Variants in NEGR1 observed in about 807,000 individuals in gnomAD.
The protein encoded by NEGR1 is IgLON family member 4.
In NEGR1, 10 loss-of-function variants were observed where a neutral mutation model predicts 40.9. The ratio of observed to expected loss-of-function variants is 0.24; its 90% CI spans 0.15 to 0.42. The LOEUF (loss-of-function observed/expected upper bound fraction) is 0.42. NEGR1 is among the 10% of genes least tolerant of loss of function. NEGR1 has a pLI of 1.00. For missense variants in NEGR1, 352 were observed against 438.9 expected (o/e 0.80, Z 1.77); for synonymous variants, 185 against 166.8 (o/e 1.11, Z -0.84).
At chr1:71,479,377 A>G (rs1646840378) in intron 6 of NEGR1, among the ~76,000 whole-genome samples, 1 of 151,980 alleles carries the variant, frequency 6.6e-6, no homozygotes, top group Non-Finnish European at 1.5e-5. Context: ...GACTGAAAAA[A>G]CAAATCAGAA....
intron 2 of NEGR1, among the ~76,000 whole-genome samples, chr1:71,830,265 T>A (rs952382308): frequency 6.6e-5 from 10 of 151,960 alleles, no homozygotes; most frequent in African/African-American, 2.4e-4. Context: ...TTCCTGAATA[T>A]CTACTTGGTG....
chr1:72,210,149 A>G (rs1570125140), intron 1 of NEGR1, among the ~76,000 whole-genome samples: 1 of 151,806 alleles, frequency 6.6e-6, no homozygotes, highest in African/African-American at 2.4e-5. Context: ...AATTTCATTT[A>G]CTCCATAAAT....
intron 1 of NEGR1, among the ~76,000 whole-genome samples, chr1:71,937,331 C>G (rs1268730228): frequency 6.6e-6 from 1 of 152,186 alleles, no homozygotes; most frequent in Non-Finnish European, 1.5e-5. Flanking sequence ...GTACATATTT[C>G]CCATTTCACA....
chr1:71,528,912 A>G (rs1045772549), intron 6 of NEGR1, among the ~76,000 whole-genome samples: 13 of 151,274 alleles, frequency 8.6e-5, no homozygotes, highest in African/African-American at 3.1e-4. Context: ...GCCATTTTAA[A>G]ATAGTGACAC....
At chr1:72,241,910 A>C (rs1654756402) in intron 1 of NEGR1, among the ~76,000 whole-genome samples, 1 of 151,764 alleles carries the variant, frequency 6.6e-6, no homozygotes. Context: ...CCTGCAAGAT[A>C]AGTCTATCTA....
intron 3 of NEGR1, among the ~76,000 whole-genome samples, chr1:71,774,990 C>T (rs1251623123): frequency 1.3e-5 from 2 of 152,142 alleles, no homozygotes; most frequent in Non-Finnish European, 1.5e-5. Flanking sequence ...TGCAATCCTG[C>T]ACAAGCTACA....
At chr1:71,697,391 T>A (rs919427984) in intron 4 of NEGR1, among the ~76,000 whole-genome samples, 3 of 151,818 alleles carry the variant, frequency 2.0e-5, no homozygotes, top group African/African-American at 7.2e-5. Context: ...TAATAGGATG[T>A]TACTGGAAAA....
chr1:72,051,131 A>AT (rs1398828219), intron 1 of NEGR1, among the ~76,000 whole-genome samples: 1 of 151,502 alleles, frequency 6.6e-6, no homozygotes, highest in Non-Finnish European at 1.5e-5. Context: ...CCTTCTCTAA[A>AT]TGGCTGATGT....
intron 4 of NEGR1, among the ~76,000 whole-genome samples, chr1:71,639,172 C>A (rs1651263358): frequency 6.8e-6 from 1 of 146,102 alleles, no homozygotes. Flanking sequence ...GCATAGAATA[C>A]TTCTGCATAT....
At chr1:71,829,790 G>A (rs1395760714) in intron 2 of NEGR1, among the ~76,000 whole-genome samples, 2 of 152,108 alleles carry the variant, frequency 1.3e-5, no homozygotes, top group East Asian at 3.9e-4. Context: ...ATGGTCCACA[G>A]TGAAATGTGT....
intron 6 of NEGR1, among the ~76,000 whole-genome samples, chr1:71,410,691 C>T (rs1465528684): frequency 6.6e-6 from 1 of 152,070 alleles, no homozygotes; most frequent in Non-Finnish European, 1.5e-5. Flanking sequence ...CATTGTTATG[C>T]AACCTTATTC....
intron 6 of NEGR1, among the ~76,000 whole-genome samples, chr1:71,430,210 C>T (rs1370492312): frequency 6.6e-6 from 1 of 152,106 alleles, no homozygotes; most frequent in African/African-American, 2.4e-5. Context: ...GCCATTATAG[C>T]TCCTGGATCC....
chr1:71,773,409 C>G (rs1458768597), intron 3 of NEGR1, among the ~76,000 whole-genome samples: 3 of 152,056 alleles, frequency 2.0e-5, no homozygotes, highest in Non-Finnish European at 4.4e-5. Context: ...TGTTTTGGGA[C>G]ACATTTTCTT....
intron 6 of NEGR1, among the ~76,000 whole-genome samples, chr1:71,432,403 A>C (rs1437797314): frequency 6.6e-6 from 1 of 152,182 alleles, no homozygotes; most frequent in Non-Finnish European, 1.5e-5. Flanking sequence ...TTCCCTCCAA[A>C]ACTCATGTAA....
chr1:71,847,577 G>A (rs1239311100), intron 2 of NEGR1, among the ~76,000 whole-genome samples: 1 of 152,166 alleles, frequency 6.6e-6, no homozygotes, highest in African/African-American at 2.4e-5. Flanking sequence ...ACCAAAAGCA[G>A]TGCCCATGTA....
intron 1 of NEGR1, among the ~76,000 whole-genome samples, chr1:72,052,382 G>A (rs1647070048): frequency 6.6e-6 from 1 of 151,440 alleles, no homozygotes; most frequent in Non-Finnish European, 1.5e-5. Flanking sequence ...GGCCAAATCT[G>A]ACTGCAAAAA....
intron 1 of NEGR1, among the ~76,000 whole-genome samples, chr1:71,963,039 T>C (rs879372302): frequency 3.3e-5 from 5 of 152,136 alleles, no homozygotes; most frequent in African/African-American, 1.2e-4. Context: ...CTATGTTTTG[T>C]ATGTCTTTTC....
At chr1:71,897,818 G>A (rs1661014706) in intron 2 of NEGR1, among the ~76,000 whole-genome samples, 1 of 152,134 alleles carries the variant, frequency 6.6e-6, no homozygotes, top group Non-Finnish European at 1.5e-5. Context: ...ATTTTGAGGA[G>A]TGCTTATCTA....
At chr1:71,840,976 C>T (rs1180584040) in intron 2 of NEGR1, among the ~76,000 whole-genome samples, 1 of 152,152 alleles carries the variant, frequency 6.6e-6, no homozygotes, top group Non-Finnish European at 1.5e-5. Flanking sequence ...ACTGTTCTTT[C>T]CTGAGTCTCC....
Sources: allele counts gnomAD v4.1 joint callset (sites outside exome capture counted in the v4.1 genomes callset), GRCh38; gene constraint gnomAD v4.1.1; transcripts MANE v1.5; gene names NCBI Gene and HGNC (gene_info 2026-07-23, HGNC 2026-07-21).